BRSK2: variants seen among roughly 807,000 people sequenced by gnomAD.
BRSK2 encodes the protein BR serine/threonine kinase 2, also known as serine/threonine-protein kinase BRSK2.
In BRSK2, 19 loss-of-function variants were observed where a neutral mutation model predicts 83.3. That is an observed-to-expected ratio of 0.23 (90% CI 0.16 to 0.33). The LOEUF (loss-of-function observed/expected upper bound fraction) is 0.33, where lower values mean the gene tolerates loss of function less well. BRSK2 is among the 10% of genes least tolerant of loss of function. The probability of loss-of-function intolerance (pLI) is 1.00; values close to 1 mark genes in which losing one functional copy is unlikely to be tolerated. For missense variants in BRSK2, 798 were observed against 1,042.3 expected (o/e 0.77, Z 3.23); for synonymous variants, 519 against 435.4 (o/e 1.19, Z -2.39).
intron 1 of BRSK2, among the ~76,000 whole-genome samples, chr11:1,433,069 T>TGCC (rs1849801245): frequency 5.5e-5 from 1 of 18,212 alleles, no homozygotes; most frequent in Non-Finnish European, 1.2e-4. Context: ...GCCACTGTGC[T>TGCC]CAGCAGTGAG....
chr11:1,434,194 G>A (rs1364340618), intron 1 of BRSK2, among the ~76,000 whole-genome samples: 5 of 152,228 alleles, frequency 3.3e-5, no homozygotes, highest in Non-Finnish European at 5.9e-5. Context: ...GACGTCCCGC[G>A]GGTCAACAGG....
intron 1 of BRSK2, among the ~76,000 whole-genome samples, chr11:1,402,774 G>A (rs1169341938): frequency 6.6e-6 from 1 of 152,220 alleles, no homozygotes; most frequent in East Asian, 1.9e-4. Flanking sequence ...CAGAGGGAGT[G>A]GAGTGGGGGC....
At position 1,410,573 on chromosome 11, in the gene BRSK2, T is replaced by A. The variant is rs1466208494; in HGVS notation, c.91+20198T>A. On this transcript the variant is annotated intron_variant, in intron 1 of 19. Transcript: ENST00000528841. ...CGCCGCTTTTGATGTCGTCAGGCTC[T>A]CTGGTCCCCGGGAGTGGACTCGGGG... The A allele has an allele frequency of 5.1e-6, 5 of 985,358 alleles. No homozygotes were observed. The Admixed American group carries it at 3.1e-4, about 61-fold the overall frequency. The allele number at this position is 985,358 out of a possible 1,614,324, so 61.0% of individuals were successfully genotyped here. A position where few individuals can be genotyped will look rare whatever the true frequency, so the allele number is the denominator to read the frequency against.
intron 1 of BRSK2, among the ~76,000 whole-genome samples, chr11:1,391,706 C>G (rs185427825): frequency 6.6e-6 from 1 of 152,106 alleles, no homozygotes; most frequent in African/African-American, 2.4e-5. Context: ...TCGTCTTTCC[C>G]GGAAAGAAAA....
At position 1,440,931 on chromosome 11, in the gene BRSK2, GA is replaced by G. The variant is rs1332224142; in HGVS notation, c.413+4del. ...TTCTGCCACAGCCACTCCATATGGT[GA>G]GGCCCCACCCCTGGTGCCCCCCACT... On this transcript the variant is annotated splice_donor_region_variant and intron_variant, in intron 4 of 19. Transcript: ENST00000528841. The G allele has an allele frequency of 6.4e-7, 1 of 1,568,986 alleles. No homozygotes were observed. The highest frequency in any genetic ancestry group is 8.6e-7 in the Non-Finnish European group (1 of 1,160,552).
rs1348406682 is a variant in BRSK2 at position 1,460,876 on chromosome 11, C to T, written c.*153C>T. On this transcript the variant is annotated 3_prime_UTR_variant, in exon 20 of 20. Transcript: ENST00000528841. ...AAAGGAAAGGGGCGTTGGGGCCGGC[C>T]TGTGGGCTGCGCCACCCGCGCCCGC... is the stretch of plus-strand genomic sequence containing the variant. 5.2e-5 allele frequency: 83 copies of T among 1,590,890 alleles called. No individual in the cohort carries two copies. Among genetic ancestry groups the T allele is most frequent in the Non-Finnish European group, 7.0e-5 (82 of 1,169,932 alleles).
At chr11:1,425,257 C>T (rs1404272270) in intron 1 of BRSK2, among the ~76,000 whole-genome samples, 1 of 152,242 alleles carries the variant, frequency 6.6e-6, no homozygotes, top group Non-Finnish European at 1.5e-5. Flanking sequence ...GTGAAGGCGT[C>T]ACCCAGGGCT....
At position 1,461,180 on chromosome 11, in the gene BRSK2, C is replaced by T. The variant is rs1487577862; in HGVS notation, c.*457C>T. 1 of 819,272 alleles carries T rather than the reference C, an allele frequency of 1.2e-6. No homozygotes were observed. Among genetic ancestry groups the T allele is most frequent in the Non-Finnish European group, 1.8e-6 (1 of 546,346 alleles). 50.8% of individuals were successfully genotyped at this position (819,272 alleles called of 1,614,324 possible). Reference sequence around the variant, plus strand: ...CAGGCTCGGGGGAGCCTCCTCCAGCCCGGCCGACCCGGACTCCCGGTCACC... The same window carrying T: ...CAGGCTCGGGGGAGCCTCCTCCAGCTCGGCCGACCCGGACTCCCGGTCACC... On this transcript the variant is annotated 3_prime_UTR_variant, in exon 20 of 20. Coordinates refer to ENST00000528841, the MANE Select transcript of BRSK2 (RefSeq NM_001256627.2).
intron 1 of BRSK2, among the ~76,000 whole-genome samples, chr11:1,399,889 G>A (rs1846359423): frequency 1.0e-5 from 1 of 98,480 alleles, no homozygotes; most frequent in Non-Finnish European, 2.0e-5. Context: ...GCCTCGCTCC[G>A]GGTCCTGGTG....
chr11:1,453,084 C>T (rs148401967), intron 15 of BRSK2, among the ~76,000 whole-genome samples: 632 of 152,320 alleles, frequency 4.1e-3, no homozygotes, highest in Middle Eastern at 0.017. Flanking sequence ...CCAGGAAGAC[C>T]GAACCTGGCG....
At chr11:1,400,600 G>A (rs983721406) in intron 1 of BRSK2, among the ~76,000 whole-genome samples, 24 of 152,140 alleles carry the variant, frequency 1.6e-4, no homozygotes, top group Non-Finnish European at 2.8e-4. Context: ...TGCCCTGCCC[G>A]CCTGGGGACA....
intron 16 of BRSK2, among the ~76,000 whole-genome samples, chr11:1,455,948 C>T (rs1336246207): frequency 6.6e-6 from 1 of 152,090 alleles, no homozygotes; most frequent in African/African-American, 2.4e-5. Flanking sequence ...CCCGCCCTTG[C>T]ACCTCCCTCT....
intron 8 of BRSK2, among the ~76,000 whole-genome samples, chr11:1,444,454 G>C (rs1851748944): frequency 6.6e-6 from 1 of 152,154 alleles, no homozygotes; most frequent in South Asian, 2.1e-4. Context: ...GGGGCCGTGT[G>C]GCTGGCCGGC....
In BRSK2 at chr11:1,445,470, G is replaced by A; in HGVS notation, c.977+12G>A. The A allele has an allele frequency of 3.7e-6, 6 of 1,611,224 alleles. No homozygotes were observed. Among genetic ancestry groups the A allele is most frequent in the Middle Eastern group, 1.7e-4 (1 of 6,050 alleles). ...CTGCTGTCCGAGGAGTGCGTCTGGG[G>A]CTGCTCCCGGGTGGGGCACGGGGCC... On this transcript the variant is annotated intron_variant, in intron 10 of 19. Transcript: ENST00000528841.
At chr11:1,450,891 G>A (rs912268641) in intron 14 of BRSK2, 97 bp downstream of exon 14, 13 of 1,212,452 alleles carry the variant, frequency 1.1e-5, no homozygotes, top group South Asian at 1.6e-5. Flanking sequence ...AGTCCGAGGG[G>A]CCTGTAGCTG....
intron 13 of BRSK2, 137 bp from the exon 14 acceptor site, chr11:1,450,450 G>A (rs1845678114): frequency 6.9e-6 from 4 of 575,814 alleles, no homozygotes; most frequent in South Asian, 6.8e-5. Flanking sequence ...TTCCCGGCCA[G>A]CACCCCAGCC....
chr11:1,400,472 C>T (rs1196147115), intron 1 of BRSK2, among the ~76,000 whole-genome samples: 2 of 152,186 alleles, frequency 1.3e-5, no homozygotes, highest in East Asian at 1.9e-4. Flanking sequence ...GGGCAGTGAC[C>T]ACCTCTTCCA....
chr11:1,419,704 G>A (rs551760658), intron 1 of BRSK2, among the ~76,000 whole-genome samples: 1 of 152,322 alleles, frequency 6.6e-6, no homozygotes, highest in South Asian at 2.1e-4. Context: ...GAGGTCTGTG[G>A]TTTGAGACCA....
chr11:1,427,747 G>A (rs151000973), intron 1 of BRSK2, among the ~76,000 whole-genome samples: 23 of 152,332 alleles, frequency 1.5e-4, no homozygotes, highest in African/African-American at 4.8e-4. Flanking sequence ...TGGAAAATAA[G>A]CCACAGTGAG....
Sources: allele counts gnomAD v4.1 joint callset (sites outside exome capture counted in the v4.1 genomes callset), GRCh38; gene constraint gnomAD v4.1.1; transcripts MANE v1.5; gene names NCBI Gene and HGNC (gene_info 2026-07-23, HGNC 2026-07-21).